KCNJ6: variants seen among roughly 807,000 people sequenced by gnomAD.
KCNJ6 encodes the protein G protein-activated inward rectifier potassium channel 2.
A neutral mutation model predicts 34.2 loss-of-function variants in KCNJ6; 9 were observed. The ratio of observed to expected loss-of-function variants is 0.26; its 90% CI spans 0.16 to 0.46. The LOEUF (loss-of-function observed/expected upper bound fraction) is 0.46. Among genes scored for constraint, KCNJ6 ranks in the 20% least tolerant of loss-of-function variants. KCNJ6 has a pLI of 1.00. For missense variants in KCNJ6, 236 were observed against 531.3 expected, an observed-to-expected ratio of 0.44 and a Z score of 5.46; for synonymous variants, 196 against 207.1, an observed-to-expected ratio of 0.95 and a Z score of 0.46.
At chr21:37,648,953 G>A (rs1400069835) in intron 3 of KCNJ6, among the ~76,000 whole-genome samples, 1 of 151,880 alleles carries the variant, frequency 6.6e-6, no homozygotes, top group Non-Finnish European at 1.5e-5. Context: ...CCAACATGGT[G>A]AAACCCCGTC....
At chr21:37,879,601 T>G (rs1306545589) in intron 1 of KCNJ6, among the ~76,000 whole-genome samples, 1 of 151,848 alleles carries the variant, frequency 6.6e-6, no homozygotes, top group African/African-American at 2.4e-5. Context: ...AAAATAACAT[T>G]GCTCTCTTCC....
At chr21:37,634,408 A>G (rs1001823947) in intron 3 of KCNJ6, among the ~76,000 whole-genome samples, 1 of 152,194 alleles carries the variant, frequency 6.6e-6, no homozygotes, top group Admixed American at 6.5e-5. Context: ...GGCCGGGGCC[A>G]TGCTTCCTGT....
At chr21:37,628,010 A>G (rs768309683) in intron 3 of KCNJ6, among the ~76,000 whole-genome samples, 23 of 152,250 alleles carry the variant, frequency 1.5e-4, no homozygotes, top group Non-Finnish European at 2.6e-4. Flanking sequence ...AGCTCAGGAA[A>G]GTTACTAAAA....
intron 3 of KCNJ6, among the ~76,000 whole-genome samples, chr21:37,700,895 AG>A (rs1394490974): frequency 6.6e-6 from 1 of 152,186 alleles, no homozygotes; most frequent in Non-Finnish European, 1.5e-5. Context: ...GTCTGGCAGC[AG>A]CCCCATGGGA....
rs547164814 is a variant in KCNJ6, at chr21:37,787,180, C to T, written c.25+53478G>A. Among the ~76,000 whole-genome samples, 3 of 152,136 alleles carry T rather than the reference C, an allele frequency of 2.0e-5. No homozygotes were observed. The South Asian group carries it at 6.2e-4, about 31-fold the overall frequency. On this transcript the variant is annotated intron_variant, in intron 2 of 3. Transcript: ENST00000609713. ...CAGGGGGTTAGAAATTTGACATCTC[C>T]CGTAGACTGTGAAACTAATTTGACA...
At chr21:37,741,689 A>T (rs1337811494) in intron 2 of KCNJ6, among the ~76,000 whole-genome samples, 1 of 152,000 alleles carries the variant, frequency 6.6e-6, no homozygotes, top group Non-Finnish European at 1.5e-5. Context: ...GACCTTTTCC[A>T]TGTGGCCCCT....
chr21:37,667,654 C>T (rs61700814), intron 3 of KCNJ6, among the ~76,000 whole-genome samples: 13,419 of 150,690 alleles, frequency 0.089, 1,446 homozygotes, highest in African/African-American at 0.26. Flanking sequence ...GGGTAGCAGG[C>T]GCCGGGTAGC....
chr21:37,667,331 G>A (rs4816572), intron 3 of KCNJ6, among the ~76,000 whole-genome samples: 63,459 of 151,820 alleles, frequency 0.42, 13,370 homozygotes, highest in East Asian at 0.46. Context: ...TGTGGGGGGC[G>A]TTTAGCAACA....
At chr21:37,631,179 G>A (rs887455446) in intron 3 of KCNJ6, among the ~76,000 whole-genome samples, 1 of 152,144 alleles carries the variant, frequency 6.6e-6, no homozygotes, top group Non-Finnish European at 1.5e-5. Context: ...GAGGTTCCCA[G>A]CAAGTACTTA....
intron 3 of KCNJ6, among the ~76,000 whole-genome samples, chr21:37,668,905 T>TC (rs1426501938): frequency 6.6e-6 from 1 of 152,254 alleles, no homozygotes; most frequent in African/African-American, 2.4e-5. Flanking sequence ...AAGCTGGCTT[T>TC]CGTGATGCAA....
intron 2 of KCNJ6, among the ~76,000 whole-genome samples, chr21:37,840,135 A>G (rs2055473032): frequency 6.6e-6 from 1 of 152,178 alleles, no homozygotes; most frequent in African/African-American, 2.4e-5. Context: ...TATCCTGTTT[A>G]TTTAGCTTAA....
chr21:37,894,418 A>G (rs922366719), intron 1 of KCNJ6, among the ~76,000 whole-genome samples: 18 of 152,212 alleles, frequency 1.2e-4, no homozygotes, highest in South Asian at 1.0e-3. Flanking sequence ...TAATCCCAGC[A>G]CTTTGGGAGG....
chr21:37,710,338 A>G (rs2054744936), intron 3 of KCNJ6, among the ~76,000 whole-genome samples: 1 of 152,212 alleles, frequency 6.6e-6, no homozygotes. Flanking sequence ...ATATTTGCAG[A>G]TGAGGATGAT....
chr21:37,909,697 A>C (rs2055858251), intron 1 of KCNJ6, among the ~76,000 whole-genome samples: 1 of 152,204 alleles, frequency 6.6e-6, no homozygotes, highest in Non-Finnish European at 1.5e-5. Flanking sequence ...TTACATTATC[A>C]CATGAATCCT....
intron 3 of KCNJ6, among the ~76,000 whole-genome samples, chr21:37,696,484 A>G (rs978743531): frequency 6.6e-6 from 1 of 152,232 alleles, no homozygotes; most frequent in Non-Finnish European, 1.5e-5. Flanking sequence ...CATGCTACAA[A>G]ATAACTGCTC....
At chr21:37,700,628 A>G (rs2054685749) in intron 3 of KCNJ6, among the ~76,000 whole-genome samples, 1 of 152,158 alleles carries the variant, frequency 6.6e-6, no homozygotes, top group African/African-American at 2.4e-5. Context: ...GTCCAGCAGG[A>G]GGGCTTGGTG....
At chr21:37,843,637 C>T (rs1327328210) in intron 1 of KCNJ6, among the ~76,000 whole-genome samples, 1 of 152,186 alleles carries the variant, frequency 6.6e-6, no homozygotes, top group Non-Finnish European at 1.5e-5. Context: ...ATTTACATTA[C>T]TGGGAAGAGC....
At chr21:37,839,797 CTTTTT>C (rs1283306008) in intron 2 of KCNJ6, among the ~76,000 whole-genome samples, 2 of 151,980 alleles carry the variant, frequency 1.3e-5, no homozygotes, top group Non-Finnish European at 2.9e-5. Context: ...TTCCACTTTC[CTTTTT>C]TATTTTTATC....
intron 2 of KCNJ6, among the ~76,000 whole-genome samples, chr21:37,768,317 T>C (rs960136159): frequency 6.6e-6 from 1 of 152,188 alleles, no homozygotes; most frequent in African/African-American, 2.4e-5. Flanking sequence ...AAGGTGCTGT[T>C]CTATTTCAGC....
Sources: allele counts gnomAD v4.1 joint callset (sites outside exome capture counted in the v4.1 genomes callset), GRCh38; gene constraint gnomAD v4.1.1; transcripts MANE v1.5; gene names NCBI Gene and HGNC (gene_info 2026-07-23, HGNC 2026-07-21).